TIMP2: variants seen among roughly 807,000 people sequenced by gnomAD.
TIMP2 encodes the protein TIMP metallopeptidase inhibitor 2, also known as metalloproteinase inhibitor 2.
Under a neutral mutation model 24.3 loss-of-function variants are expected in TIMP2, and 5 were observed. The ratio of observed to expected loss-of-function variants is 0.21; its 90% CI spans 0.11 to 0.43. TIMP2 has a LOEUF of 0.43. Ranked by LOEUF, TIMP2 falls within the 20% of genes least tolerant of loss-of-function variation. TIMP2 has a pLI of 1.00. For synonymous variants in TIMP2, 130 were observed against 123.2 expected (o/e 1.06, Z -0.37); for missense variants, 221 against 297.5 (o/e 0.74, Z 1.89).
chr17:78,866,019 C>A (rs983076939), intron 3 of TIMP2, among the ~76,000 whole-genome samples: 1 of 151,838 alleles, frequency 6.6e-6, no homozygotes, highest in Non-Finnish European at 1.5e-5. Context: ...AAACAGGATG[C>A]AGAAAACTGG....
intron 3 of TIMP2, among the ~76,000 whole-genome samples, chr17:78,870,285 G>A (rs868033840): frequency 6.6e-6 from 1 of 151,874 alleles, no homozygotes; most frequent in African/African-American, 2.4e-5. Context: ...GCGTGGTGGC[G>A]TGTGCCTGTA....
chr17:78,870,852 C>A (rs1238509774), intron 3 of TIMP2, 46 bp downstream of exon 3: 1 of 1,555,080 alleles, frequency 6.4e-7, no homozygotes, highest in Admixed American at 1.7e-5. Context: ...TAGGAACAGC[C>A]CCACTTCTGT....
chr17:78,862,603 C>T (rs2069576507), intron 3 of TIMP2, among the ~76,000 whole-genome samples: 1 of 152,246 alleles, frequency 6.6e-6, no homozygotes, highest in Non-Finnish European at 1.5e-5. Flanking sequence ...AGATTTGTTA[C>T]ATGGGTATAT....
chr17:78,859,519 C>T (rs2069551659), intron 3 of TIMP2, among the ~76,000 whole-genome samples: 1 of 151,670 alleles, frequency 6.6e-6, no homozygotes, highest in Non-Finnish European at 1.5e-5. Context: ...AAGAAATAGC[C>T]AGGCGTGGTG....
At position 78,873,303 on chromosome 17, in the gene TIMP2, ATTTTTT is replaced by A. The variant is rs529558087; in HGVS notation, c.231+510_231+515del. Among the ~76,000 whole-genome samples, 13 of 139,974 alleles carry A rather than the reference ATTTTTT, an allele frequency of 9.3e-5. No individual in the cohort carries two copies. The Admixed American group carries it at 9.4e-4, about 10-fold the overall frequency. 91.8% of individuals were successfully genotyped at this position (139,974 alleles called of 152,430 possible). A position where few individuals can be genotyped will look rare whatever the true frequency, so the allele number is the denominator to read the frequency against. Reference sequence around the variant, plus strand: ...GCCCTCCCTGCCCTCCCTGCCACATATTTTTTTTTTTTTTTTTTAATACAAGCTCTC... The same window carrying A: ...GCCCTCCCTGCCCTCCCTGCCACATATTTTTTTTTTTTAATACAAGCTCTC... On this transcript the variant is annotated intron_variant, in intron 2 of 4. Coordinates refer to ENST00000262768, the MANE Select transcript of TIMP2 (RefSeq NM_003255.5).
intron 1 of TIMP2, among the ~76,000 whole-genome samples, chr17:78,916,545 T>C (rs1190138992): frequency 6.6e-6 from 1 of 152,210 alleles, no homozygotes; most frequent in African/African-American, 2.4e-5. Context: ...GCATCTCCTG[T>C]GTCTGCCCGC....
At chr17:78,887,187 G>A (rs909908089) in intron 1 of TIMP2, among the ~76,000 whole-genome samples, 8 of 152,108 alleles carry the variant, frequency 5.3e-5, no homozygotes, top group African/African-American at 1.4e-4. Context: ...CTTCGCATTC[G>A]CCAGGGAAGT....
chr17:78,918,382 C>T (rs1218046999), intron 1 of TIMP2, among the ~76,000 whole-genome samples: 7 of 152,138 alleles, frequency 4.6e-5, no homozygotes, highest in Non-Finnish European at 7.4e-5. Flanking sequence ...CGCTGCACAG[C>T]CACGTCCCAG....
chr17:78,869,272 A>G (rs1361449075), intron 3 of TIMP2, among the ~76,000 whole-genome samples: 1 of 151,914 alleles, frequency 6.6e-6, no homozygotes, highest in Non-Finnish European at 1.5e-5. Flanking sequence ...TAAAAAAATT[A>G]GCTGGGTGTG....
In TIMP2 at chr17:78,855,441, A is replaced by G; in HGVS notation, c.*226T>C. ...ACCCAAGGATCGAAGCCCCAGACAC[A>G]TAGTGCCTGGCAGAGGGAGGATGGG... On this transcript the variant is annotated 3_prime_UTR_variant, in exon 5 of 5. Coordinates refer to ENST00000262768, the MANE Select transcript of TIMP2 (RefSeq NM_003255.5). The surrounding 1 kb of genome is among the most constrained non-coding windows in gnomAD (Gnocchi z 6.0). 1.7e-6 allele frequency: 1 copy of G among 583,630 alleles called. No individual in the cohort carries two copies. The allele number at this position is 583,630 out of a possible 1,614,324, so 36.2% of individuals were successfully genotyped here.
At chr17:78,922,865 G>A (rs996606908) in intron 1 of TIMP2, among the ~76,000 whole-genome samples, 1 of 152,158 alleles carries the variant, frequency 6.6e-6, no homozygotes, top group African/African-American at 2.4e-5. Context: ...GAAGACAGGC[G>A]GAAATGGAAG....
At chr17:78,912,464 G>A (rs2070217652) in intron 1 of TIMP2, among the ~76,000 whole-genome samples, 1 of 152,184 alleles carries the variant, frequency 6.6e-6, no homozygotes, top group Non-Finnish European at 1.5e-5. Context: ...TGCAGTAAGG[G>A]GGTCTCGGTA....
chr17:78,878,051 G>A (rs1471958746), intron 1 of TIMP2, among the ~76,000 whole-genome samples: 1 of 152,090 alleles, frequency 6.6e-6, no homozygotes, highest in Non-Finnish European at 1.5e-5. Flanking sequence ...AATGCTTAAC[G>A]CACAATAGGC....
intron 1 of TIMP2, among the ~76,000 whole-genome samples, chr17:78,918,099 C>CACACA (rs1491362076): frequency 6.6e-6 from 1 of 150,646 alleles, no homozygotes; most frequent in African/African-American, 2.5e-5. Context: ...CACACACACA[C>CACACA]AACTTCACTT....
At position 78,888,320 on chromosome 17, in the gene TIMP2, G is replaced by A. The variant is rs936622694; in HGVS notation, c.131-14401C>T. On this transcript the variant is annotated intron_variant, in intron 1 of 4. Transcript: ENST00000262768. ...GATTACAGATGCCACCACCACGCCC[G>A]GCTAATTTTTTGTATTTTTAGTAGA... 1.1e-4 allele frequency among the ~76,000 whole-genome samples: 17 copies of A among 151,722 alleles called. 1 individual carries two copies. Among genetic ancestry groups the A allele is most frequent in the Admixed American group, 9.2e-4 (14 of 15,230 alleles).
At chr17:78,894,301 G>A (rs956033255) in intron 1 of TIMP2, among the ~76,000 whole-genome samples, 15 of 152,054 alleles carry the variant, frequency 9.9e-5, no homozygotes, top group Non-Finnish European at 2.9e-5. Flanking sequence ...CTGCTTGGAC[G>A]AACCCCAGCA....
intron 2 of TIMP2, among the ~76,000 whole-genome samples, chr17:78,871,810 C>T (rs4796801): frequency 0.75 from 112,054 of 148,736 alleles, 42,824 homozygotes; most frequent in Non-Finnish European, 0.81. Context: ...CGTGCCACTG[C>T]GCTCCAGCCT....
At chr17:78,922,854 T>A (rs1173260284) in intron 1 of TIMP2, among the ~76,000 whole-genome samples, 1 of 152,002 alleles carries the variant, frequency 6.6e-6, no homozygotes, top group East Asian at 1.9e-4. Flanking sequence ...GAAGGCCATG[T>A]GAAGACAGGC....
intron 1 of TIMP2, among the ~76,000 whole-genome samples, chr17:78,887,673 A>T (rs1218517848): frequency 6.6e-6 from 1 of 151,690 alleles, no homozygotes; most frequent in Admixed American, 6.6e-5. Context: ...GTATGAGCAA[A>T]CGCGCCCAGC....
Sources: gnomAD v4.1 joint callset for allele counts (sites outside exome capture counted in the v4.1 genomes callset) on GRCh38, gnomAD v4.1.1 for gene constraint, Gnocchi (gnomAD v3.1) non-coding constraint, MANE v1.5 for transcripts, NCBI Gene and HGNC (gene_info 2026-07-23, HGNC 2026-07-21) for gene names.